CDH13: variants seen among roughly 807,000 people sequenced by gnomAD.
CDH13 encodes cadherin-13.
In CDH13, 24 loss-of-function variants were observed where a neutral mutation model predicts 63.8. That is an observed-to-expected ratio of 0.38 (90% CI 0.27 to 0.53). The LOEUF (loss-of-function observed/expected upper bound fraction) is 0.53, where lower values mean the gene tolerates loss of function less well. Among genes scored for constraint, CDH13 ranks in the 20% least tolerant of loss-of-function variants. The probability of loss-of-function intolerance (pLI) is 0.85; values close to 1 mark genes in which losing one functional copy is unlikely to be tolerated. For synonymous variants in CDH13, 503 were observed against 355.3 expected (o/e 1.42, Z -4.67); for missense variants, 1,049 against 903.1 (o/e 1.16, Z -2.07).
intron 1 of CDH13, among the ~76,000 whole-genome samples, chr16:82,786,645 TCCCTCC>T (rs1407931556): frequency 7.1e-6 from 1 of 141,692 alleles, no homozygotes; most frequent in Non-Finnish European, 1.5e-5. Flanking sequence ...CCTAATGCTA[TCCCTCC>T]CCCTCCCCCC....
At position 82,864,915 on chromosome 16, in the gene CDH13, G is replaced by A. The variant is rs900406743; in HGVS notation, c.157+6442G>A. 2.0e-5 allele frequency among the ~76,000 whole-genome samples: 3 copies of A among 152,168 alleles called. No homozygotes were observed. In the East Asian group the frequency reaches 5.8e-4, roughly 29 times the overall value. ...TAGCTGCTTCCTGGATACAATGGAGGTACGGGCATTGGGTAAATACACTCA... is the reference window on the plus strand; with the variant it reads ...TAGCTGCTTCCTGGATACAATGGAGATACGGGCATTGGGTAAATACACTCA... On this transcript the variant is annotated intron_variant, in intron 2 of 13. Transcript: ENST00000567109.
chr16:83,052,210 AGAGCACCTAAT>A lies in CDH13; in HGVS notation c.366+19995_366+20005del, dbSNP rs2030416207. 2.0e-5 allele frequency among the ~76,000 whole-genome samples: 3 copies of A among 152,210 alleles called. No individual in the cohort carries two copies. The South Asian group carries it at 6.2e-4, about 32-fold the overall frequency. ...GTAGTAAATGCCTCATTATCCTTTCAGAGCACCTAATGATACATTATTTTCTGTTATAAAAC... is the reference window on the plus strand; with the variant it reads ...GTAGTAAATGCCTCATTATCCTTTCAGATACATTATTTTCTGTTATAAAAC... On this transcript the variant is annotated intron_variant, in intron 3 of 13. Transcript: ENST00000567109.
At chr16:83,476,383 C>T (rs1305463864) in intron 6 of CDH13, among the ~76,000 whole-genome samples, 1 of 152,178 alleles carries the variant, frequency 6.6e-6, no homozygotes, top group Non-Finnish European at 1.5e-5. Flanking sequence ...TTAAAAATCT[C>T]TTAAATTGGC....
At chr16:83,707,263 G>C (rs1167865953) in intron 10 of CDH13, among the ~76,000 whole-genome samples, 3 of 152,220 alleles carry the variant, frequency 2.0e-5, no homozygotes, top group Middle Eastern at 3.4e-3. Context: ...AATACTGCAT[G>C]GTCCGTAACA....
intron 1 of CDH13, among the ~76,000 whole-genome samples, chr16:82,746,078 CTATG>C (rs1475631934): frequency 6.6e-6 from 1 of 151,762 alleles, no homozygotes; most frequent in Non-Finnish European, 1.5e-5. Context: ...GGGAATCTAT[CTATG>C]TCTTTCTATT....
intron 2 of CDH13, among the ~76,000 whole-genome samples, chr16:83,029,878 C>G (rs1426249781): frequency 6.6e-6 from 1 of 152,078 alleles, no homozygotes; most frequent in Non-Finnish European, 1.5e-5. Flanking sequence ...TAAAGGTTTA[C>G]TAAACAAATA....
intron 5 of CDH13, among the ~76,000 whole-genome samples, chr16:83,229,784 T>C (rs1256327941): frequency 1.3e-5 from 2 of 152,134 alleles, no homozygotes; most frequent in Admixed American, 6.6e-5. Flanking sequence ...TGAGGGACTA[T>C]CTTATATTCT....
intron 2 of CDH13, among the ~76,000 whole-genome samples, chr16:82,971,809 C>T (rs982856496): frequency 6.6e-6 from 1 of 152,198 alleles, no homozygotes; most frequent in African/African-American, 2.4e-5. Flanking sequence ...CCCTTAAATG[C>T]TACCTTTTCC....
chr16:83,647,091 A>T (rs1911894785), intron 8 of CDH13, among the ~76,000 whole-genome samples: 1 of 151,984 alleles, frequency 6.6e-6, no homozygotes, highest in Non-Finnish European at 1.5e-5. Context: ...AGGGCGGATC[A>T]CGAGGTCAGG....
At chr16:83,299,698 A>G (rs2089687464) in intron 5 of CDH13, among the ~76,000 whole-genome samples, 1 of 152,222 alleles carries the variant, frequency 6.6e-6, no homozygotes, top group South Asian at 2.1e-4. Context: ...ACCTTGACCA[A>G]AAGGCTAACT....
At chr16:83,283,555 C>A (rs912343824) in intron 5 of CDH13, among the ~76,000 whole-genome samples, 2 of 152,172 alleles carry the variant, frequency 1.3e-5, no homozygotes, top group Admixed American at 1.3e-4. Flanking sequence ...TGCGCTACTG[C>A]ACTCCAGCCT....
At chr16:83,721,885 A>T (rs1937632975) in intron 10 of CDH13, 2 of 152,248 alleles carry the variant, frequency 1.3e-5, no homozygotes, top group African/African-American at 4.8e-5. Context: ...CATCTCACAC[A>T]CATCTAGGGA....
At chr16:83,603,032 C>T (rs1021798060) in intron 8 of CDH13, among the ~76,000 whole-genome samples, 2 of 152,172 alleles carry the variant, frequency 1.3e-5, no homozygotes, top group African/African-American at 4.8e-5. Context: ...GGCCCAGGAG[C>T]TTATAAATAA....
chr16:83,222,559 AC>A (rs1191105391), intron 5 of CDH13, among the ~76,000 whole-genome samples: 3 of 152,174 alleles, frequency 2.0e-5, no homozygotes, highest in Non-Finnish European at 2.9e-5. Context: ...TGCACATATT[AC>A]CTTGATGGGA....
chr16:83,489,456 C>G (rs890940353), intron 7 of CDH13, among the ~76,000 whole-genome samples: 1 of 152,184 alleles, frequency 6.6e-6, no homozygotes, highest in Non-Finnish European at 1.5e-5. Flanking sequence ...AACATCAGTG[C>G]AATCCAAAGG....
intron 6 of CDH13, among the ~76,000 whole-genome samples, chr16:83,411,787 A>G (rs1428138198): frequency 1.3e-5 from 2 of 152,226 alleles, no homozygotes; most frequent in Non-Finnish European, 2.9e-5. Context: ...GTAATATACA[A>G]GGGTAGGAAA....
chr16:83,050,558 A>G (rs2030199586), intron 3 of CDH13, among the ~76,000 whole-genome samples: 1 of 152,010 alleles, frequency 6.6e-6, no homozygotes. Context: ...GTGCCTGTCC[A>G]TTTCCTGTCT....
intron 4 of CDH13, among the ~76,000 whole-genome samples, chr16:83,135,008 T>C (rs1567863852): frequency 6.6e-6 from 1 of 152,192 alleles, no homozygotes; most frequent in Admixed American, 6.5e-5. Flanking sequence ...ATTTAATTAT[T>C]TGTGAACATT....
Position 82,644,312 on chromosome 16 carries a change from C to A in CDH13, c.45+17175C>A, listed in dbSNP as rs1009496486. ...TGCTCATCACTCTGCAAATCAAGGC[C>A]CCCCGAACTCCTCCCACCCCTGCCT... On this transcript the variant is annotated intron_variant, in intron 1 of 13. Transcript: ENST00000567109. The surrounding 1 kb of genome is among the most constrained non-coding windows in gnomAD (Gnocchi z 5.7). Among the ~76,000 whole-genome samples the A allele has an allele frequency of 6.6e-6, 1 of 151,974 alleles. No individual in the cohort carries two copies. Among genetic ancestry groups the A allele is most frequent in the African/African-American group, 2.4e-5 (1 of 41,362 alleles).
Sources: allele counts gnomAD v4.1 joint callset (sites outside exome capture counted in the v4.1 genomes callset), GRCh38; gene constraint gnomAD v4.1.1; non-coding constraint Gnocchi (gnomAD v3.1); transcripts MANE v1.5; gene names NCBI Gene and HGNC (gene_info 2026-07-23, HGNC 2026-07-21).